ANK2: variants seen among roughly 807,000 people sequenced by gnomAD.
ANK2 encodes the protein ankyrin-2.
Under a neutral mutation model 360.5 loss-of-function variants are expected in ANK2, and 83 were observed. The observed-to-expected ratio is 0.23, with a 90% CI of 0.19 to 0.28. ANK2 has a LOEUF of 0.28. Ranked by LOEUF, ANK2 falls within the 10% of genes least tolerant of loss-of-function variation. The probability of loss-of-function intolerance (pLI) is 1.00; values close to 1 mark genes in which losing one functional copy is unlikely to be tolerated. For missense variants in ANK2, 4,201 were observed against 4,795.7 expected, an observed-to-expected ratio of 0.88 and a Z score of 3.66; for synonymous variants, 1,740 against 1,759.5, an observed-to-expected ratio of 0.99 and a Z score of 0.28.
In ANK2 at chr4:112,862,867, T is replaced by C. The variant is rs962852844; in HGVS notation, c.-39-41588T>C. On this transcript the variant is annotated intron_variant, in intron 1 of 30. Transcript: ENST00000503271. The stretch of plus-strand genomic sequence containing the variant: ...GAGTTTGAGTCCAGCCTGGGTAACA[T>C]AGCAAGACTCTCTCTCTTAAAAAAA... Among the ~76,000 whole-genome samples the C allele has an allele frequency of 2.6e-5, 4 of 151,960 alleles. No individual in the cohort carries two copies. The East Asian group carries it at 7.7e-4, about 29-fold the overall frequency.
In ANK2 at chr4:113,356,649, T is replaced by G. The variant is rs760202413; in HGVS notation, c.8031T>G (p.Ala2677=). The change falls in exon 38 of 46, where the codon GCT becomes GCG. Residue 2677 remains alanine, a synonymous_variant. Coordinates refer to ENST00000357077, the MANE Select transcript of ANK2 (RefSeq NM_001148.6). ...EPELAQLKKG[A]DSGLLPEPVI... The stretch of plus-strand genomic sequence containing the variant: ...AGTTGGCACAGCTTAAAAAAGGTGC[T>G]GACTCAGGCCTTTTACCAGAACCAG... 9 of 1,614,102 alleles carry G rather than the reference T, an allele frequency of 5.6e-6. No individual in the cohort carries two copies. In the East Asian group the frequency reaches 2.0e-4, roughly 36 times the overall value.
At chr4:113,296,379 C>A (rs79777658) in intron 22 of ANK2, among the ~76,000 whole-genome samples, 8,376 of 152,084 alleles carry the variant, frequency 0.055, 771 homozygotes, top group African/African-American at 0.19. Flanking sequence ...ATGTTATTAC[C>A]GCTCAAATGC....
At chr4:113,260,819 T>A (rs2052424104) in intron 13 of ANK2, among the ~76,000 whole-genome samples, 1 of 152,224 alleles carries the variant, frequency 6.6e-6, no homozygotes, top group Non-Finnish European at 1.5e-5. Context: ...AGCTACTGGA[T>A]CCAAAATTCT....
intron 2 of ANK2, among the ~76,000 whole-genome samples, chr4:113,023,544 A>G (rs1442350855): frequency 1.3e-5 from 2 of 152,194 alleles, no homozygotes; most frequent in Non-Finnish European, 2.9e-5. Flanking sequence ...AAGAAATATC[A>G]TTTCTCAGAG....
chr4:113,159,327 A>G (rs892853484), intron 1 of ANK2, among the ~76,000 whole-genome samples: 22 of 152,246 alleles, frequency 1.4e-4, no homozygotes, highest in African/African-American at 5.3e-4. Flanking sequence ...TACATTTTAT[A>G]TACATAGTAA....
chr4:112,875,471 A>G (rs1024264534), intron 1 of ANK2, among the ~76,000 whole-genome samples: 4 of 143,180 alleles, frequency 2.8e-5, no homozygotes, highest in African/African-American at 1.0e-4. Flanking sequence ...TGCCACCATG[A>G]CAGGCTAATT....
chr4:112,986,527 A>G (rs1578390697), intron 2 of ANK2, among the ~76,000 whole-genome samples: 1 of 152,200 alleles, frequency 6.6e-6, no homozygotes, highest in South Asian at 2.1e-4. Flanking sequence ...GAGGATAGGC[A>G]CAGAAGAAAT....
the ANK2 span, among the ~76,000 whole-genome samples, chr4:112,708,447 A>C: frequency 2.6e-5 from 4 of 152,192 alleles, no homozygotes; most frequent in Non-Finnish European, 5.9e-5. Flanking sequence ...ATATAATGGA[A>C]ATTTAGAAAT....
chr4:112,776,094 GGA>G, the ANK2 span, among the ~76,000 whole-genome samples: 1 of 152,098 alleles, frequency 6.6e-6, no homozygotes, highest in South Asian at 2.1e-4. Context: ...AGGATTTGGG[GGA>G]GTGTTCTGGT....
intron 21 of ANK2, chr4:113,292,963 G>T (rs1189899276): frequency 5.7e-6 from 2 of 351,938 alleles, no homozygotes; most frequent in Admixed American, 3.9e-5. Context: ...GATGCAGCCC[G>T]AATTGCTTGC....
the ANK2 span, among the ~76,000 whole-genome samples, chr4:112,805,134 G>T: frequency 6.6e-6 from 1 of 152,156 alleles, no homozygotes; most frequent in African/African-American, 2.4e-5. Context: ...CCCTGAATGC[G>T]AAGTAGCCAC....
At chr4:113,166,695 C>A (rs915232317) in intron 1 of ANK2, among the ~76,000 whole-genome samples, 1 of 151,554 alleles carries the variant, frequency 6.6e-6, no homozygotes, top group South Asian at 2.1e-4. Flanking sequence ...AAAGTAAATG[C>A]CATAAAAAAA....
At chr4:113,307,018 A>G (rs1587818725) in intron 23 of ANK2, among the ~76,000 whole-genome samples, 2 of 152,228 alleles carry the variant, frequency 1.3e-5, no homozygotes, top group African/African-American at 2.4e-5. Flanking sequence ...CTTCCCAGCC[A>G]TAAATGATGA....
chr4:113,012,485 T>C (rs1386239207), intron 2 of ANK2, among the ~76,000 whole-genome samples: 1 of 152,152 alleles, frequency 6.6e-6, no homozygotes. Context: ...GATATCAAGG[T>C]CACATGTCTG....
At chr4:113,005,075 A>T (rs1229230504) in intron 2 of ANK2, among the ~76,000 whole-genome samples, 1 of 152,246 alleles carries the variant, frequency 6.6e-6, no homozygotes, top group Non-Finnish European at 1.5e-5. Flanking sequence ...TTTCTGCATC[A>T]TGCAAAGATC....
intron 27 of ANK2, 110 bp from the exon 28 acceptor site, chr4:113,331,862 G>A (rs2153934333): frequency 1.9e-6 from 2 of 1,034,994 alleles, no homozygotes; most frequent in East Asian, 4.7e-5. Flanking sequence ...AACGCAGTGT[G>A]AAACCAAAGT....
At chr4:113,014,145 G>A (rs1424231621) in intron 2 of ANK2, among the ~76,000 whole-genome samples, 2 of 151,808 alleles carry the variant, frequency 1.3e-5, no homozygotes, top group African/African-American at 4.8e-5. Context: ...GTTATTTTAT[G>A]GAGACCCCAA....
chr4:113,265,081 T>G, intron 14 of ANK2, 86 bp downstream of exon 14: 1 of 1,233,610 alleles, frequency 8.1e-7, no homozygotes, highest in South Asian at 1.3e-5. Flanking sequence ...AGTTCCTTGA[T>G]TTGGAAATAC....
intron 1 of ANK2, among the ~76,000 whole-genome samples, chr4:113,163,597 T>C (rs2097629596): frequency 6.6e-6 from 1 of 151,298 alleles, no homozygotes; most frequent in African/African-American, 2.4e-5. Context: ...AAACCCCATC[T>C]CTACTAAAAA....
Sources: allele counts gnomAD v4.1 joint callset (sites outside exome capture counted in the v4.1 genomes callset), GRCh38; gene constraint gnomAD v4.1.1; transcripts MANE v1.5; gene names NCBI Gene and HGNC (gene_info 2026-07-23, HGNC 2026-07-21).